Variants in KAZN observed in about 807,000 individuals in gnomAD.
The protein encoded by KAZN is kazrin.
KAZN carries 40 observed loss-of-function variants against 87.4 expected under a neutral mutation model. The ratio of observed to expected loss-of-function variants is 0.46; its 90% CI spans 0.36 to 0.60. The LOEUF (loss-of-function observed/expected upper bound fraction) is 0.60, where lower values mean the gene tolerates loss of function less well. Among genes scored for constraint, KAZN ranks in the 20% least tolerant of loss-of-function variants. The probability of loss-of-function intolerance (pLI) is 0.00; values close to 1 mark genes in which losing one functional copy is unlikely to be tolerated. For missense variants in KAZN, 898 were observed against 1,073.9 expected (o/e 0.84, Z 2.29); for synonymous variants, 466 against 458.3 (o/e 1.02, Z -0.22).
At chr1:14,088,183 T>A (rs1417193441) in intron 1 of KAZN, among the ~76,000 whole-genome samples, 2 of 151,682 alleles carry the variant, frequency 1.3e-5, no homozygotes, top group South Asian at 2.1e-4. Flanking sequence ...TAGCTTTGGG[T>A]TTAATTTTTG....
chr1:15,007,960 C>T (rs6665532), intron 2 of KAZN, among the ~76,000 whole-genome samples: 29,944 of 152,128 alleles, frequency 0.2, 3,209 homozygotes, highest in African/African-American at 0.27. Flanking sequence ...AGAGGCGGCC[C>T]CTGCGAGTGG....
At chr1:14,372,978 A>G (rs1660622501) in intron 2 of KAZN, among the ~76,000 whole-genome samples, 1 of 152,174 alleles carries the variant, frequency 6.6e-6, no homozygotes, top group African/African-American at 2.4e-5. Flanking sequence ...GAGCCTATGT[A>G]GACAGAGTAA....
intron 1 of KAZN, among the ~76,000 whole-genome samples, chr1:14,144,799 G>C (rs563814665): frequency 6.6e-6 from 1 of 152,146 alleles, no homozygotes; most frequent in Non-Finnish European, 1.5e-5. Flanking sequence ...GGAAGCAAGT[G>C]GGGGGAAGTT....
intron 2 of KAZN, among the ~76,000 whole-genome samples, chr1:14,264,986 G>T (rs1342247521): frequency 1.3e-5 from 2 of 152,314 alleles, no homozygotes; most frequent in Admixed American, 1.3e-4. Flanking sequence ...TAAATTGAGT[G>T]ACTTCCAGGT....
chr1:14,598,743 T>A lies in KAZN; in HGVS notation c.-255T>A. ...GGGTCTCGGCGATCGCTGCTCCTCC[T>A]CCTCCTTCTCCTCCTCTTTTTTCTC... On this transcript the variant is annotated 5_prime_UTR_variant, in exon 1 of 15. Transcript: ENST00000376030. The surrounding 1 kb of genome is among the most constrained non-coding windows in gnomAD (Gnocchi z 4.2). 1 of 1,332,902 alleles carries A rather than the reference T, an allele frequency of 7.5e-7. No homozygotes were observed. Among genetic ancestry groups the A allele is most frequent in the Non-Finnish European group, 9.5e-7 (1 of 1,051,182 alleles). 82.6% of individuals were successfully genotyped at this position (1,332,902 alleles called of 1,614,324 possible).
At chr1:14,605,287 T>C (rs1677271581) in intron 1 of KAZN, among the ~76,000 whole-genome samples, 1 of 152,164 alleles carries the variant, frequency 6.6e-6, no homozygotes, top group Non-Finnish European at 1.5e-5. Context: ...ACTTACAATA[T>C]ATCAACTTCC....
Position 15,066,564 on chromosome 1 carries a change from A to G in KAZN, c.1222+811A>G. 2 of 984,886 alleles carry G rather than the reference A, an allele frequency of 2.0e-6. No homozygotes were observed. The highest frequency in any genetic ancestry group is 2.4e-6 in the Non-Finnish European group (2 of 829,380). 61.0% of individuals were successfully genotyped at this position (984,886 alleles called of 1,614,324 possible). A position where few individuals can be genotyped will look rare whatever the true frequency, so the allele number is the denominator to read the frequency against. On this transcript the variant is annotated intron_variant, in intron 8 of 14. Transcript: ENST00000376030. The surrounding 1 kb of genome is among the most constrained non-coding windows in gnomAD (Gnocchi z 4.3). ...CATTGCCGTTTCTTTCTTTATGAAA[A>G]AAAAGAAAAAAAGAAAATTGTTTCA...
chr1:14,440,925 C>A (rs918254368), intron 2 of KAZN, among the ~76,000 whole-genome samples: 2 of 152,160 alleles, frequency 1.3e-5, no homozygotes, highest in South Asian at 2.1e-4. Flanking sequence ...CTGGCAGCAA[C>A]CTTCTTCTCT....
At chr1:14,819,521 G>T (rs963320562) in intron 1 of KAZN, among the ~76,000 whole-genome samples, 6 of 151,862 alleles carry the variant, frequency 4.0e-5, no homozygotes, top group African/African-American at 1.5e-4. Context: ...CCCAAAAAAC[G>T]AAGAAATCCT....
Position 14,769,561 on chromosome 1 carries a change from C to A in KAZN, c.226+170338C>A, listed in dbSNP as rs1444972422. ...TAGAGACAGGGTTTCACCATGTTGG[C>A]CAGACTAGTTTCAAACTTATGACCT... On this transcript the variant is annotated intron_variant, in intron 1 of 14. Coordinates refer to ENST00000376030, the MANE Select transcript of KAZN (RefSeq NM_201628.3). This position sits in a 1 kb window ranked among gnomAD's most constrained non-coding sequence, Gnocchi z 4.1. Among the ~76,000 whole-genome samples, 1 of 152,058 alleles carries A rather than the reference C, an allele frequency of 6.6e-6. No individual in the cohort carries two copies.
At chr1:14,020,008 T>C (rs1016652976) in intron 1 of KAZN, among the ~76,000 whole-genome samples, 4 of 151,974 alleles carry the variant, frequency 2.6e-5, no homozygotes, top group African/African-American at 9.7e-5. Context: ...CCTGAGCTTG[T>C]TTTCCTGCAA....
chr1:15,082,331 C>T (rs1640041577), intron 8 of KAZN, among the ~76,000 whole-genome samples: 1 of 152,160 alleles, frequency 6.6e-6, no homozygotes. Context: ...CTATCAGGCT[C>T]CAGGGAGCTC....
At chr1:14,430,431 C>A in intron 2 of KAZN, among the ~76,000 whole-genome samples, 1 of 152,134 alleles carries the variant, frequency 6.6e-6, no homozygotes. Flanking sequence ...AGAAATTAGC[C>A]AAGGGTCTGG....
At chr1:14,273,515 G>C (rs1652112737) in intron 2 of KAZN, among the ~76,000 whole-genome samples, 1 of 151,982 alleles carries the variant, frequency 6.6e-6, no homozygotes, top group African/African-American at 2.4e-5. Context: ...AGGAATCAGA[G>C]GTTGATAAAA....
intron 1 of KAZN, among the ~76,000 whole-genome samples, chr1:14,602,984 A>G (rs1339439621): frequency 3.3e-5 from 5 of 152,164 alleles, no homozygotes; most frequent in Non-Finnish European, 5.9e-5. Flanking sequence ...AAATGCGTGC[A>G]AGTTGTATTT....
chr1:14,288,944 G>A (rs574601274), intron 2 of KAZN, among the ~76,000 whole-genome samples: 1 of 152,324 alleles, frequency 6.6e-6, no homozygotes, highest in East Asian at 1.9e-4. Context: ...TATGTACCCA[G>A]TAGTCATTCA....
In KAZN at chr1:14,551,877, C is replaced by T. The variant is rs1673544539; in HGVS notation, c.250-47106C>T. Reference sequence around the variant, plus strand: ...ATGGCTACCTAGAATCCTTCTCACCCCTCCTTGGCCCCGTGGGATGAAAAA... The same window carrying T: ...ATGGCTACCTAGAATCCTTCTCACCTCTCCTTGGCCCCGTGGGATGAAAAA... On this transcript the variant is annotated intron_variant, in intron 2 of 16. Coordinates refer to the KAZN transcript ENST00000636203. Among the ~76,000 whole-genome samples the T allele has an allele frequency of 2.6e-5, 4 of 152,128 alleles. No homozygotes were observed. The South Asian group carries it at 8.3e-4, about 32-fold the overall frequency.
At chr1:14,594,210 C>T (rs1192075210), upstream of KAZN, among the ~76,000 whole-genome samples, 2 of 152,172 alleles carry the variant, frequency 1.3e-5, no homozygotes, top group African/African-American at 2.4e-5. Flanking sequence ...CAGCAGCATC[C>T]CAGTCTTGAC....
At chr1:15,047,641 C>T (rs1673715421) in intron 4 of KAZN, among the ~76,000 whole-genome samples, 2 of 152,114 alleles carry the variant, frequency 1.3e-5, no homozygotes, top group East Asian at 1.9e-4. Flanking sequence ...TGTGGTGGCA[C>T]GCAGCTGTAA....
Sources: gnomAD v4.1 joint callset for allele counts (sites outside exome capture counted in the v4.1 genomes callset) on GRCh38, gnomAD v4.1.1 for gene constraint, Gnocchi (gnomAD v3.1) non-coding constraint, MANE v1.5 for transcripts, NCBI Gene and HGNC (gene_info 2026-07-23, HGNC 2026-07-21) for gene names.